The following GALNT17 variants were observed in gnomAD, a reference collection of about 807,000 sequenced individuals.
GALNT17 encodes the protein polypeptide N-acetylgalactosaminyltransferase 17.
In GALNT17, 29 loss-of-function variants were observed where a neutral mutation model predicts 63.7. The observed-to-expected ratio is 0.46, with a 90% CI of 0.34 to 0.62. The LOEUF is 0.62. GALNT17 is among the 20% of genes least tolerant of loss of function. The pLI is 0.01. For synonymous variants in GALNT17, 305 were observed against 318.3 expected, an observed-to-expected ratio of 0.96 and a Z score of 0.45; for missense variants, 603 against 799.6, an observed-to-expected ratio of 0.75 and a Z score of 2.97.
chr7:71,547,217 T>A (rs1423971936), intron 5 of GALNT17, among the ~76,000 whole-genome samples: 2 of 151,916 alleles, frequency 1.3e-5, no homozygotes, highest in East Asian at 3.9e-4. Context: ...CAGGCTGGAG[T>A]GCAGTGGCGC....
chr7:71,228,835 C>A (rs1383528499), intron 1 of GALNT17, among the ~76,000 whole-genome samples: 1 of 152,202 alleles, frequency 6.6e-6, no homozygotes, highest in Non-Finnish European at 1.5e-5. Flanking sequence ...GACCCTGTTT[C>A]CAAATAAATT....
chr7:71,485,404 G>A (rs1228859419), intron 5 of GALNT17, among the ~76,000 whole-genome samples: 1 of 152,160 alleles, frequency 6.6e-6, no homozygotes, highest in Admixed American at 6.5e-5. Flanking sequence ...GCATTGTCAG[G>A]CATTTTTGTT....
intron 1 of GALNT17, among the ~76,000 whole-genome samples, chr7:71,195,300 C>T (rs77624424): frequency 2.0e-5 from 3 of 152,252 alleles, no homozygotes; most frequent in Non-Finnish European, 4.4e-5. Context: ...AGTGCCACCT[C>T]GACCTCCTGG....
At chr7:71,329,575 T>G (rs112827902) in intron 1 of GALNT17, among the ~76,000 whole-genome samples, 1,845 of 151,876 alleles carry the variant, frequency 0.012, 42 homozygotes, top group African/African-American at 0.041. Context: ...GAAGCATGGT[T>G]TGGAGGCCTC....
chr7:71,132,967 C>T lies in GALNT17; in HGVS notation c.165C>T (p.Ser55=). ...AGGTGGCCAACCTCAGCGCGCACAG[C>T]GCCAGCCCCATCCAGGATGCGGTCC... ...RAEVANLSAH[S]ASPIQDAVLK... Residue 55 remains serine, a synonymous_variant, in exon 1 of 11, where the codon AGC becomes AGT. Coordinates refer to ENST00000333538, the MANE Select transcript of GALNT17 (RefSeq NM_022479.3). The T allele has an allele frequency of 1.9e-6, 3 of 1,609,468 alleles. No individual in the cohort carries two copies. The highest frequency in any genetic ancestry group is 1.7e-6 in the Non-Finnish European group (2 of 1,179,134).
intron 6 of GALNT17, among the ~76,000 whole-genome samples, chr7:71,632,158 C>T (rs1464118685): frequency 2.0e-5 from 3 of 152,138 alleles, no homozygotes; most frequent in Non-Finnish European, 4.4e-5. Context: ...AAAAGATGCT[C>T]TTACAAGGAC....
chr7:71,594,923 T>TA (rs1449961849), intron 6 of GALNT17, among the ~76,000 whole-genome samples: 2 of 152,190 alleles, frequency 1.3e-5, no homozygotes. Context: ...TATTGGGACA[T>TA]AGAGACTCTG....
chr7:71,438,092 A>G (rs1255462403), intron 5 of GALNT17, among the ~76,000 whole-genome samples: 4 of 152,176 alleles, frequency 2.6e-5, no homozygotes. Flanking sequence ...GTGGATTTGG[A>G]CTATGTGATA....
At chr7:71,240,906 C>T (rs918809046) in intron 1 of GALNT17, among the ~76,000 whole-genome samples, 5 of 152,058 alleles carry the variant, frequency 3.3e-5, no homozygotes, top group Admixed American at 6.5e-5. Flanking sequence ...CCTCGTGATC[C>T]GCCTGCCTCT....
chr7:71,149,392 C>T (rs927418042), intron 1 of GALNT17, among the ~76,000 whole-genome samples: 3 of 152,134 alleles, frequency 2.0e-5, no homozygotes, highest in South Asian at 4.1e-4. Context: ...TTCTGAGTCT[C>T]CTTTGCGAAG....
intron 1 of GALNT17, among the ~76,000 whole-genome samples, chr7:71,321,465 T>G (rs2116004166): frequency 6.6e-6 from 1 of 152,312 alleles, no homozygotes; most frequent in Non-Finnish European, 1.5e-5. Flanking sequence ...GCCTTTGAGA[T>G]CCTCGCCATC....
chr7:71,710,109 G>T (rs1189217566), intron 9 of GALNT17, among the ~76,000 whole-genome samples: 1 of 152,192 alleles, frequency 6.6e-6, no homozygotes, highest in Non-Finnish European at 1.5e-5. Context: ...CCAGCTGAAA[G>T]TAGAGCCATT....
chr7:71,545,595 AC>A (rs1204094182), intron 5 of GALNT17, among the ~76,000 whole-genome samples: 1 of 151,954 alleles, frequency 6.6e-6, no homozygotes, highest in Non-Finnish European at 1.5e-5. Flanking sequence ...CTAGCGATCC[AC>A]CTGCTTTGGC....
chr7:71,619,690 T>C (rs1166205688), intron 6 of GALNT17, among the ~76,000 whole-genome samples: 3 of 152,252 alleles, frequency 2.0e-5, no homozygotes, highest in African/African-American at 7.2e-5. Context: ...AGGAGCCTTT[T>C]GGCAGAGTCT....
At chr7:71,487,257 G>A (rs2116661289) in intron 5 of GALNT17, among the ~76,000 whole-genome samples, 1 of 152,310 alleles carries the variant, frequency 6.6e-6, no homozygotes. Context: ...GGGTAGTGAT[G>A]TTTCTCCTCC....
chr7:71,512,619 G>A (rs189240037), intron 5 of GALNT17, among the ~76,000 whole-genome samples: 2 of 152,316 alleles, frequency 1.3e-5, no homozygotes, highest in Non-Finnish European at 2.9e-5. Context: ...AGAGATGAAC[G>A]TGAGAGACCA....
chr7:71,507,005 T>C (rs1788279860), intron 5 of GALNT17, among the ~76,000 whole-genome samples: 1 of 152,144 alleles, frequency 6.6e-6, no homozygotes, highest in South Asian at 2.1e-4. Flanking sequence ...GAGGCTGAGG[T>C]GGGACGATCG....
intron 5 of GALNT17, among the ~76,000 whole-genome samples, chr7:71,564,374 C>T (rs755414147): frequency 2.1e-5 from 3 of 143,798 alleles, no homozygotes; most frequent in Non-Finnish European, 3.0e-5. Flanking sequence ...ACAACCTCCT[C>T]CTCCCAGGTT....
At chr7:71,308,206 A>G (rs1366018871) in intron 1 of GALNT17, among the ~76,000 whole-genome samples, 1 of 152,102 alleles carries the variant, frequency 6.6e-6, no homozygotes, top group Non-Finnish European at 1.5e-5. Context: ...CACATTTGTC[A>G]AGCCTTGAAG....
Sources: gnomAD v4.1 joint callset for allele counts (sites outside exome capture counted in the v4.1 genomes callset) on GRCh38, gnomAD v4.1.1 for gene constraint, MANE v1.5 for transcripts, NCBI Gene and HGNC (gene_info 2026-07-23, HGNC 2026-07-21) for gene names.